TMED7: variants seen among roughly 807,000 people sequenced by gnomAD.
TMED7 encodes transmembrane p24 trafficking protein 7.
Under a neutral mutation model 23.4 loss-of-function variants are expected in TMED7, and 8 were observed. The ratio of observed to expected loss-of-function variants is 0.34; its 90% CI spans 0.20 to 0.62. The LOEUF (loss-of-function observed/expected upper bound fraction) is 0.62. Ranked by LOEUF, TMED7 falls within the 20% of genes least tolerant of loss-of-function variation. TMED7 has a pLI of 0.77. For missense variants in TMED7, 232 were observed against 279.1 expected (o/e 0.83, Z 1.20); for synonymous variants, 121 against 108.5 (o/e 1.12, Z -0.72).
chr5:115,618,284 A>G lies in TMED7; in HGVS notation c.439-1839T>C, dbSNP rs1265275828. On this transcript the variant is annotated intron_variant, in intron 2 of 2. Transcript: ENST00000456936. ...TCACTTCAGCTACAAATACTTTTAT[A>G]CTTTATTTCTAAAAGATAACACTTT... Among the ~76,000 whole-genome samples, 6 of 152,228 alleles carry G rather than the reference A, an allele frequency of 3.9e-5. No homozygotes were observed. In the East Asian group the frequency reaches 1.2e-3, roughly 29 times the overall value.
Position 115,625,951 on chromosome 5 carries a change from C to T in TMED7, c.-159G>A, listed in dbSNP as rs953735792. ...GAGATTCGGGATCAGAGCGACCCTC[C>T]GGCTTCCTGTGAGGGGCGCAGACGG... is the stretch of plus-strand genomic sequence containing the variant. On this transcript the variant is annotated 5_prime_UTR_variant, in exon 1 of 3. Coordinates refer to ENST00000456936, the MANE Select transcript of TMED7 (RefSeq NM_181836.6). 7.5e-6 allele frequency: 8 copies of T among 1,073,292 alleles called. No individual in the cohort carries two copies. The highest frequency in any genetic ancestry group is 1.7e-5 in the African/African-American group (1 of 60,532). The allele number at this position is 1,073,292 out of a possible 1,614,324, so 66.5% of individuals were successfully genotyped here.
At chr5:115,618,542 C>G (rs1186078834) in intron 2 of TMED7, among the ~76,000 whole-genome samples, 1 of 152,086 alleles carries the variant, frequency 6.6e-6, no homozygotes, top group African/African-American at 2.4e-5. Context: ...TGGCATTTCC[C>G]ACGTCCTGGA....
At chr5:115,622,246 T>TG (rs1441516352) in intron 1 of TMED7, among the ~76,000 whole-genome samples, 1 of 152,144 alleles carries the variant, frequency 6.6e-6, no homozygotes, top group African/African-American at 2.4e-5. Flanking sequence ...CCATCAAACT[T>TG]AAAACAAGTA....
At chr5:115,617,442 A>G (rs1419135669) in intron 2 of TMED7, among the ~76,000 whole-genome samples, 1 of 152,202 alleles carries the variant, frequency 6.6e-6, no homozygotes, top group Admixed American at 6.5e-5. Flanking sequence ...AAAATGTAAG[A>G]AATTATGAGG....
Position 115,616,451 on chromosome 5 carries a change from G to A in TMED7, c.439-6C>T, listed in dbSNP as rs746396438. Reference sequence around the variant, plus strand: ...GAAACACAGGCAGATTCCATCTGCAGAGAAATATTTTCAGTCAGTATGTGT... The same window carrying A: ...GAAACACAGGCAGATTCCATCTGCAAAGAAATATTTTCAGTCAGTATGTGT... On this transcript the variant is annotated splice_region_variant and splice_polypyrimidine_tract_variant and intron_variant, in intron 2 of 2. Coordinates refer to ENST00000456936, the MANE Select transcript of TMED7 (RefSeq NM_181836.6). 3 of 1,614,126 alleles carry A rather than the reference G, an allele frequency of 1.9e-6. No individual in the cohort carries two copies. Among genetic ancestry groups the A allele is most frequent in the African/African-American group, 2.7e-5 (2 of 75,062 alleles).
chr5:115,624,389 T>G lies in TMED7; in HGVS notation c.192+1212A>C, dbSNP rs557074264. ...TTTTCATTTACCCCACTGCTATCAC[T>G]CTACTCTAAGCCACTATCATTTCTT... On this transcript the variant is annotated intron_variant, in intron 1 of 2. Coordinates refer to ENST00000456936, the MANE Select transcript of TMED7 (RefSeq NM_181836.6). Among the ~76,000 whole-genome samples, 6 of 152,264 alleles carry G rather than the reference T, an allele frequency of 3.9e-5. No homozygotes were observed. The East Asian group carries it at 1.2e-3, about 29-fold the overall frequency.
chr5:115,618,227 G>A (rs1007960120), intron 2 of TMED7, among the ~76,000 whole-genome samples: 2 of 152,038 alleles, frequency 1.3e-5, no homozygotes, highest in Non-Finnish European at 2.9e-5. Context: ...TACATTCCCC[G>A]ATTATTTTTA....
At chr5:115,620,336 C>T in intron 2 of TMED7, 99 bp downstream of exon 2, 1 of 1,324,322 alleles carries the variant, frequency 7.6e-7, no homozygotes, top group South Asian at 2.7e-5. Flanking sequence ...GACTGTCAGT[C>T]TCAAAATTCC....
chr5:115,624,343 C>T (rs952118319), intron 1 of TMED7, among the ~76,000 whole-genome samples: 1 of 152,068 alleles, frequency 6.6e-6, no homozygotes, highest in Admixed American at 6.6e-5. Context: ...CTACCTACTA[C>T]CTTCTCTCCA....
In TMED7 at chr5:115,615,959, G is replaced by A. The variant is rs1406351800; in HGVS notation, c.*250C>T. On this transcript the variant is annotated 3_prime_UTR_variant, in exon 3 of 3. Coordinates refer to ENST00000456936, the MANE Select transcript of TMED7 (RefSeq NM_181836.6). ...GCGAAGAGTAGATATAAACAACTGCGAACAGAGTAGATCATTGGTGTTGAA... is the reference window on the plus strand; with the variant it reads ...GCGAAGAGTAGATATAAACAACTGCAAACAGAGTAGATCATTGGTGTTGAA... 10 of 504,160 alleles carry A rather than the reference G, an allele frequency of 2.0e-5. No individual in the cohort carries two copies. The highest frequency in any genetic ancestry group is 1.1e-4 in the African/African-American group (6 of 52,218). The allele number at this position is 504,160 out of a possible 1,614,324, so 31.2% of individuals were successfully genotyped here.
intron 2 of TMED7, 116 bp downstream of exon 2, chr5:115,620,319 T>C: frequency 3.1e-6 from 4 of 1,294,242 alleles, no homozygotes; most frequent in Non-Finnish European, 4.0e-6. Context: ...TTAAGATAGA[T>C]TTTAAAGACT....
chr5:115,624,674 C>T (rs550803439), intron 1 of TMED7, among the ~76,000 whole-genome samples: 3 of 152,178 alleles, frequency 2.0e-5, no homozygotes, highest in East Asian at 3.8e-4. Flanking sequence ...CCATATTGGA[C>T]CTCTCTCTAT....
rs1018586501 is a variant in TMED7, at chr5:115,615,840, T to C, written c.*369A>G. 1 of 245,594 alleles carries C rather than the reference T, an allele frequency of 4.1e-6. No homozygotes were observed. The highest frequency in any genetic ancestry group is 5.1e-5 in the Admixed American group (1 of 19,548). 15.2% of individuals were successfully genotyped at this position (245,594 alleles called of 1,614,324 possible). A position where few individuals can be genotyped will look rare whatever the true frequency, so the allele number is the denominator to read the frequency against. On this transcript the variant is annotated 3_prime_UTR_variant, in exon 3 of 3. Transcript: ENST00000456936. ...CAATTTTCTTCCTCCCTAACACATG[T>C]AGACATTAAATCTAAAGTTTTTAAA...
intron 2 of TMED7, among the ~76,000 whole-genome samples, chr5:115,617,232 A>C (rs908906600): frequency 2.0e-5 from 3 of 152,188 alleles, no homozygotes; most frequent in Non-Finnish European, 4.4e-5. Flanking sequence ...TACTGCTGCA[A>C]ACTTAATCCT....
intron 2 of TMED7, among the ~76,000 whole-genome samples, chr5:115,617,109 A>G (rs910622652): frequency 6.6e-6 from 1 of 152,194 alleles, no homozygotes; most frequent in Non-Finnish European, 1.5e-5. Flanking sequence ...TGTGTAATCA[A>G]TTTGTGAGCC....
Position 115,625,669 on chromosome 5 carries a change from G to A in TMED7, c.124C>T (p.Pro42Ser), listed in dbSNP as rs1187761138. 1 of 1,603,084 alleles carries A rather than the reference G, an allele frequency of 6.2e-7. No homozygotes were observed. The highest frequency in any genetic ancestry group is 1.7e-5 in the Admixed American group (1 of 58,546). ...GGASEITFEL[P>S]DNAKQCFYED... ...TAGAAGCACTGCTTGGCGTTGTCAG[G>A]AAGCTCGAAGGTGATCTCAGAGGCG... The change falls in exon 1 of 3, where the codon CCT becomes TCT. Residue 42 changes from proline to serine, a missense_variant. This residue lies in a region of TMED7 where 106 missense variants were observed against 97.0 expected (regional missense o/e 1.09). Coordinates refer to ENST00000456936, the MANE Select transcript of TMED7 (RefSeq NM_181836.6).
intron 1 of TMED7, among the ~76,000 whole-genome samples, chr5:115,623,292 A>G (rs1485108325): frequency 1.3e-5 from 2 of 152,160 alleles, no homozygotes; most frequent in Non-Finnish European, 2.9e-5. Context: ...CCCAAAATAG[A>G]GTCCTGATTG....
intron 1 of TMED7, among the ~76,000 whole-genome samples, chr5:115,622,217 T>C (rs1309198776): frequency 6.6e-6 from 1 of 152,158 alleles, no homozygotes; most frequent in Non-Finnish European, 1.5e-5. Flanking sequence ...CCAGAACTTA[T>C]CATCACCCCA....
chr5:115,623,267 C>A (rs1353429821), intron 1 of TMED7, among the ~76,000 whole-genome samples: 2 of 152,172 alleles, frequency 1.3e-5, no homozygotes, highest in Non-Finnish European at 2.9e-5. Flanking sequence ...AAGAAAACAC[C>A]CTGGAACCAA....
Sources: allele counts gnomAD v4.1 joint callset (sites outside exome capture counted in the v4.1 genomes callset), GRCh38; gene constraint gnomAD v4.1.1; regional missense constraint gnomAD v4.1.1; transcripts MANE v1.5; gene names NCBI Gene and HGNC (gene_info 2026-07-23, HGNC 2026-07-21).